The following MYO3B variants were observed in gnomAD, a reference collection of about 807,000 sequenced individuals.
The protein encoded by MYO3B is myosin-IIIb.
In MYO3B, 156 loss-of-function variants were observed where a neutral mutation model predicts 174.6. The observed-to-expected ratio is 0.89, with a 90% CI of 0.78 to 1.02. The LOEUF is 1.02. Among genes scored for constraint, MYO3B ranks in the 50% least tolerant of loss-of-function variants. MYO3B has a pLI of 0.00. For missense variants in MYO3B, 1,632 were observed against 1,639.4 expected, an observed-to-expected ratio of 1.00 and a Z score of 0.08; for synonymous variants, 563 against 569.1, an observed-to-expected ratio of 0.99 and a Z score of 0.15.
chr2:170,494,869 C>T (rs1205775366), intron 25 of MYO3B, among the ~76,000 whole-genome samples: 1 of 152,000 alleles, frequency 6.6e-6, no homozygotes, highest in African/African-American at 2.4e-5. Context: ...CAGACTTTCA[C>T]AGAGCCTTGA....
At chr2:170,422,281 C>T (rs761727791) in intron 22 of MYO3B, among the ~76,000 whole-genome samples, 1 of 152,132 alleles carries the variant, frequency 6.6e-6, no homozygotes, top group Non-Finnish European at 1.5e-5. Flanking sequence ...TAGCTCACTG[C>T]AGCCTGGAAC....
intron 23 of MYO3B, among the ~76,000 whole-genome samples, chr2:170,450,970 C>T (rs1321176044): frequency 1.3e-5 from 2 of 152,218 alleles, no homozygotes; most frequent in African/African-American, 4.8e-5. Flanking sequence ...TTTATCAGAT[C>T]AACCCTTCAC....
At chr2:170,279,773 A>G (rs2093493075) in intron 7 of MYO3B, among the ~76,000 whole-genome samples, 1 of 152,120 alleles carries the variant, frequency 6.6e-6, no homozygotes, top group South Asian at 2.1e-4. Flanking sequence ...AGCTCCATCC[A>G]TGTTCCTGCA....
chr2:170,572,851 C>T (rs958043469), intron 32 of MYO3B, among the ~76,000 whole-genome samples: 7 of 152,154 alleles, frequency 4.6e-5, no homozygotes, highest in Non-Finnish European at 1.0e-4. Context: ...CACCTGGTTT[C>T]TCACTTATTC....
intron 17 of MYO3B, 44 bp downstream of exon 17, chr2:170,400,358 T>A (rs776642430): frequency 6.2e-7 from 1 of 1,609,994 alleles, no homozygotes; most frequent in Admixed American, 1.7e-5. Flanking sequence ...CCAAAGCACG[T>A]GCTTCTTTAG....
intron 14 of MYO3B, among the ~76,000 whole-genome samples, chr2:170,388,380 C>T (rs1306034040): frequency 2.6e-5 from 4 of 152,004 alleles, no homozygotes; most frequent in Non-Finnish European, 5.9e-5. Context: ...GACACATAAC[C>T]TAGTCTAGGG....
At chr2:170,595,183 T>G (rs1314962939) in intron 32 of MYO3B, among the ~76,000 whole-genome samples, 1 of 152,068 alleles carries the variant, frequency 6.6e-6, no homozygotes, top group Non-Finnish European at 1.5e-5. Flanking sequence ...AGGGTTGTGG[T>G]GAGGAGTAAA....
At chr2:170,256,457 C>T (rs1450034399) in intron 7 of MYO3B, among the ~76,000 whole-genome samples, 2 of 152,056 alleles carry the variant, frequency 1.3e-5, no homozygotes, top group African/African-American at 4.8e-5. Context: ...ATCTTACAAG[C>T]CAGAAGAGAA....
At chr2:170,215,893 T>C (rs927125217) in intron 5 of MYO3B, among the ~76,000 whole-genome samples, 1 of 152,222 alleles carries the variant, frequency 6.6e-6, no homozygotes, top group Non-Finnish European at 1.5e-5. Context: ...GAATTGATAC[T>C]GATGTATTCA....
At chr2:170,500,664 G>A (rs1031193158) in intron 27 of MYO3B, among the ~76,000 whole-genome samples, 7 of 152,080 alleles carry the variant, frequency 4.6e-5, no homozygotes, top group Admixed American at 3.9e-4. Flanking sequence ...AGATAGTGGC[G>A]GTATAAATGG....
intron 30 of MYO3B, among the ~76,000 whole-genome samples, chr2:170,538,257 C>T (rs1440041955): frequency 6.6e-6 from 1 of 152,216 alleles, no homozygotes; most frequent in East Asian, 1.9e-4. Context: ...CAGAGTGTAT[C>T]AACCAACTAG....
intron 9 of MYO3B, among the ~76,000 whole-genome samples, chr2:170,377,385 A>G (rs1381968057): frequency 6.6e-6 from 1 of 152,186 alleles, no homozygotes; most frequent in South Asian, 2.1e-4. Flanking sequence ...TACCTCATCT[A>G]TGCCCACTGT....
At chr2:170,558,320 T>G (rs146360708) in intron 32 of MYO3B, among the ~76,000 whole-genome samples, 2,554 of 151,058 alleles carry the variant, frequency 0.017, 64 homozygotes, top group East Asian at 0.086. Context: ...AAAAAAATGC[T>G]TAAAACGAAA....
At chr2:170,251,549 G>T (rs967320722) in intron 7 of MYO3B, among the ~76,000 whole-genome samples, 1 of 152,082 alleles carries the variant, frequency 6.6e-6, no homozygotes, top group Non-Finnish European at 1.5e-5. Context: ...CAATATGACT[G>T]GTGTCTTTAT....
intron 32 of MYO3B, among the ~76,000 whole-genome samples, chr2:170,600,510 G>A (rs1694441403): frequency 6.6e-6 from 1 of 152,054 alleles, no homozygotes. Flanking sequence ...TTATAAAGGG[G>A]CAAACCATAA....
chr2:170,563,053 CACACACACACTCTAG>C lies in MYO3B; in HGVS notation c.3733+19077_3733+19091del, dbSNP rs1691826376. Among the ~76,000 whole-genome samples the C allele has an allele frequency of 3.3e-5, 5 of 149,496 alleles. No individual in the cohort carries two copies. The East Asian group carries it at 9.8e-4, about 29-fold the overall frequency. On this transcript the variant is annotated intron_variant, in intron 32 of 34. Transcript: ENST00000408978. ...GCATACACACACACACACACACACA[CACACACACACTCTAG>C]ACACACACACTACACACACATACAC...
At chr2:170,368,512 C>G (rs1229285664) in intron 8 of MYO3B, among the ~76,000 whole-genome samples, 5 of 152,192 alleles carry the variant, frequency 3.3e-5, no homozygotes, top group African/African-American at 1.2e-4. Context: ...GATTTTGAAT[C>G]TAAAACAGAA....
chr2:170,381,574 A>G (rs1210683063), intron 9 of MYO3B, among the ~76,000 whole-genome samples: 2 of 152,222 alleles, frequency 1.3e-5, no homozygotes, highest in Admixed American at 1.3e-4. Context: ...TTAATCTCTG[A>G]AAGTGTTACG....
rs960008591 is a variant in MYO3B, at chr2:170,537,212, A to C, written c.3576-5694A>C. Among the ~76,000 whole-genome samples the C allele has an allele frequency of 2.1e-4, 26 of 125,382 alleles. 1 individual carries two copies. The highest frequency in any genetic ancestry group is 1.7e-3 in the Admixed American group (21 of 12,050). 82.3% of individuals were successfully genotyped at this position (125,382 alleles called of 152,430 possible). On this transcript the variant is annotated intron_variant, in intron 30 of 34. Coordinates refer to ENST00000408978, the MANE Select transcript of MYO3B (RefSeq NM_138995.5). The stretch of plus-strand genomic sequence containing the variant: ...CGAGACTCTGTCTCAAAAAAAAAAA[A>C]AAACAAAAAACAAAAAGTATCCTGG...
Sources: allele counts gnomAD v4.1 joint callset (sites outside exome capture counted in the v4.1 genomes callset), GRCh38; gene constraint gnomAD v4.1.1; transcripts MANE v1.5; gene names NCBI Gene and HGNC (gene_info 2026-07-23, HGNC 2026-07-21).